Variants in SORBS2 observed in about 807,000 individuals in gnomAD.
The protein encoded by SORBS2 is sorbin and SH3 domain containing 2.
Under a neutral mutation model 97.7 loss-of-function variants are expected in SORBS2, and 46 were observed. The observed-to-expected ratio is 0.47, with a 90% CI of 0.37 to 0.60. The LOEUF is 0.60. Among genes scored for constraint, SORBS2 ranks in the 20% least tolerant of loss-of-function variants. SORBS2 has a pLI of 0.00. For synonymous variants in SORBS2, 476 were observed against 473.4 expected (o/e 1.01, Z -0.07); for missense variants, 1,316 against 1,282.3 (o/e 1.03, Z -0.40).
At chr4:185,743,557 G>C (rs1249100473) in intron 2 of SORBS2, among the ~76,000 whole-genome samples, 4 of 152,108 alleles carry the variant, frequency 2.6e-5, no homozygotes, top group African/African-American at 9.7e-5. Context: ...TCCTTTCCAT[G>C]TACACACCTA....
chr4:185,897,904 G>A (rs1012153990), intron 1 of SORBS2, among the ~76,000 whole-genome samples: 1 of 152,138 alleles, frequency 6.6e-6, no homozygotes, highest in Non-Finnish European at 1.5e-5. Context: ...GGATGTGGTG[G>A]CAGGTGCCTG....
chr4:185,672,212 T>C (rs1407173201), intron 4 of SORBS2, among the ~76,000 whole-genome samples: 2 of 152,238 alleles, frequency 1.3e-5, no homozygotes, highest in African/African-American at 2.4e-5. Context: ...ACTGATCCCA[T>C]GGAGCAAAAG....
At chr4:185,824,658 T>C (rs994380227) in intron 1 of SORBS2, among the ~76,000 whole-genome samples, 1 of 151,924 alleles carries the variant, frequency 6.6e-6, no homozygotes, top group South Asian at 2.1e-4. Context: ...GTGGAAAAGA[T>C]CAATTAAACT....
chr4:185,937,169 CAGTGAGTG>C (rs75789532), intron 1 of SORBS2, among the ~76,000 whole-genome samples: 7 of 151,574 alleles, frequency 4.6e-5, no homozygotes, highest in South Asian at 2.1e-4. Flanking sequence ...GTGCTTCTGC[CAGTGAGTG>C]AGTGAGTGAG....
At chr4:185,826,111 C>T (rs149378446) in intron 1 of SORBS2, among the ~76,000 whole-genome samples, 7 of 152,262 alleles carry the variant, frequency 4.6e-5, no homozygotes, top group East Asian at 1.9e-4. Context: ...TTTTAATCAG[C>T]GACACCTCAT....
intron 2 of SORBS2, among the ~76,000 whole-genome samples, chr4:185,693,997 T>C (rs2098134745): frequency 6.6e-6 from 1 of 152,210 alleles, no homozygotes; most frequent in Admixed American, 6.5e-5. Flanking sequence ...GTGAAATGAC[T>C]AACTTCCTAA....
intron 2 of SORBS2, among the ~76,000 whole-genome samples, chr4:185,733,413 G>T (rs182821582): frequency 1.6e-4 from 24 of 152,306 alleles, no homozygotes; most frequent in Admixed American, 1.4e-3. Flanking sequence ...CCGCCCACTG[G>T]CCCCGAAACA....
intron 5 of SORBS2, 74 bp from the exon 18 acceptor site, chr4:185,627,093 C>G (rs112867152): frequency 7.5e-7 from 1 of 1,333,502 alleles, no homozygotes; most frequent in African/African-American, 1.4e-5. Context: ...ACCGGTGGAA[C>G]GTGCTAGTGA....
At chr4:185,727,055 G>A (rs1583508412) in intron 2 of SORBS2, among the ~76,000 whole-genome samples, 1 of 152,160 alleles carries the variant, frequency 6.6e-6, no homozygotes, top group South Asian at 2.1e-4. Context: ...CATTAAGTAC[G>A]CTTTGAACAG....
intron 1 of SORBS2, among the ~76,000 whole-genome samples, chr4:185,832,107 C>T (rs1315535612): frequency 6.6e-6 from 1 of 152,138 alleles, no homozygotes; most frequent in Non-Finnish European, 1.5e-5. Context: ...TGAATATTAA[C>T]ACTTGGTAAG....
At chr4:185,941,600 T>C (rs1233597997) in intron 1 of SORBS2, among the ~76,000 whole-genome samples, 1 of 152,102 alleles carries the variant, frequency 6.6e-6, no homozygotes, top group Non-Finnish European at 1.5e-5. Flanking sequence ...CCTGGAGACA[T>C]TCCAGTTTCT....
chr4:185,612,532 C>T (rs58553798), intron 11 of SORBS2, among the ~76,000 whole-genome samples: 3,063 of 150,664 alleles, frequency 0.02, 100 homozygotes, highest in African/African-American at 0.07. Flanking sequence ...CTCTGTCACC[C>T]GGGCTGGAGT....
At chr4:185,651,725 G>T in intron 2 of SORBS2, 59 bp downstream of exon 11, 1 of 935,758 alleles carries the variant, frequency 1.1e-6, no homozygotes, top group Non-Finnish European at 1.8e-6. Flanking sequence ...TGACCGTGTC[G>T]TTCTTCCAAA....
chr4:185,719,979 C>T (rs530933713), intron 2 of SORBS2, among the ~76,000 whole-genome samples: 7 of 152,336 alleles, frequency 4.6e-5, no homozygotes, highest in African/African-American at 1.4e-4. Context: ...AGAGGAAATG[C>T]TGTGTGCATC....
chr4:185,622,720 C>A lies in SORBS2; in HGVS notation c.2215+194G>T, dbSNP rs138438216. 5.6e-3 allele frequency among the ~76,000 whole-genome samples: 850 copies of A among 152,046 alleles called. 4 individuals carry two copies. Among genetic ancestry groups the A allele is most frequent in the South Asian group, 0.015 (71 of 4,826 alleles). On this transcript the variant is annotated intron_variant, in intron 7 of 14. Coordinates refer to ENST00000418609, the Ensembl canonical transcript of SORBS2. ...TTGATGATCACTTTAAGCCACACAT[C>A]AAGTCCAAATATCACATGGGCAAAT...
At chr4:185,768,794 G>A (rs919261383) in intron 2 of SORBS2, among the ~76,000 whole-genome samples, 10 of 151,930 alleles carry the variant, frequency 6.6e-5, no homozygotes, top group East Asian at 1.9e-4. Context: ...ATGCAAGGGC[G>A]ACATGTGGCC....
chr4:185,626,892 T>C, exon 6 of SORBS2: 2 of 1,614,260 alleles, frequency 1.2e-6, no homozygotes, highest in Non-Finnish European at 1.7e-6. Context: ...AGAGTGGTGC[T>C]TGATCCTGGG....
chr4:185,852,979 T>C (rs1042061622), intron 1 of SORBS2, among the ~76,000 whole-genome samples: 11 of 152,146 alleles, frequency 7.2e-5, no homozygotes, highest in Admixed American at 4.6e-4. Context: ...GAGGAAATCA[T>C]GAAGGTCACT....
chr4:185,770,725 A>G (rs1161870679), intron 2 of SORBS2, among the ~76,000 whole-genome samples: 2 of 152,186 alleles, frequency 1.3e-5, no homozygotes, highest in East Asian at 3.8e-4. Flanking sequence ...TACATTGTAT[A>G]TGTAAATTTA....
Sources: allele counts gnomAD v4.1 joint callset (sites outside exome capture counted in the v4.1 genomes callset), GRCh38; gene constraint gnomAD v4.1.1; transcripts MANE v1.5; gene names NCBI Gene and HGNC (gene_info 2026-07-23, HGNC 2026-07-21).